The following SUCLG1 variants were observed in gnomAD, a reference collection of about 807,000 sequenced individuals.
SUCLG1 encodes the protein succinate-CoA ligase GDP/ADP-forming subunit alpha.
Under a neutral mutation model 37.3 loss-of-function variants are expected in SUCLG1, and 26 were observed. That is an observed-to-expected ratio of 0.70 (90% CI 0.51 to 0.97). The LOEUF is 0.97. Ranked by LOEUF, SUCLG1 falls within the 50% of genes least tolerant of loss-of-function variation. The probability of loss-of-function intolerance (pLI) is 0.00; values close to 1 mark genes in which losing one functional copy is unlikely to be tolerated. For synonymous variants in SUCLG1, 163 were observed against 155.6 expected (o/e 1.05, Z -0.36); for missense variants, 433 against 432.9 (o/e 1.00, Z 0.00).
rs115935475 is a variant in SUCLG1 at position 84,453,764 on chromosome 2, G to A, written c.98-4012C>T. ...ATATTAGAGCAGGAAAGGTGAGGTTGGCCACCAGGAAAAATTTCTGATGGC... is the reference window on the plus strand; with the variant it reads ...ATATTAGAGCAGGAAAGGTGAGGTTAGCCACCAGGAAAAATTTCTGATGGC... On this transcript the variant is annotated intron_variant, in intron 1 of 8. Transcript: ENST00000393868. 7.1e-3 allele frequency among the ~76,000 whole-genome samples: 1,088 copies of A among 152,284 alleles called. 11 individuals are homozygous for A. The highest frequency in any genetic ancestry group is 0.014 in the Middle Eastern group (4 of 294).
intron 1 of SUCLG1, among the ~76,000 whole-genome samples, chr2:84,454,896 G>A (rs916463705): frequency 6.6e-6 from 1 of 152,046 alleles, no homozygotes; most frequent in Admixed American, 6.5e-5. Flanking sequence ...ATAACCCAAG[G>A]CTCTATTCAT....
At chr2:84,453,937 C>A (rs1287505896) in intron 1 of SUCLG1, among the ~76,000 whole-genome samples, 3 of 152,222 alleles carry the variant, frequency 2.0e-5, no homozygotes, top group Non-Finnish European at 2.9e-5. Context: ...TATGCTCTGC[C>A]TTCCAGCAGC....
intron 1 of SUCLG1, among the ~76,000 whole-genome samples, chr2:84,454,835 G>A (rs939409610): frequency 6.6e-6 from 1 of 152,150 alleles, no homozygotes; most frequent in African/African-American, 2.4e-5. Context: ...CACCTGCCCA[G>A]GAGAGACTCA....
chr2:84,443,019 C>T (rs568761637), intron 3 of SUCLG1, among the ~76,000 whole-genome samples: 1 of 152,324 alleles, frequency 6.6e-6, no homozygotes, highest in African/African-American at 2.4e-5. Flanking sequence ...ATTTGTACTA[C>T]TAACATACTG....
chr2:84,436,533 A>G (rs1027344753), intron 5 of SUCLG1, among the ~76,000 whole-genome samples: 2 of 152,242 alleles, frequency 1.3e-5, no homozygotes, highest in Non-Finnish European at 2.9e-5. Context: ...GCCACATAAC[A>G]TGGCCTCCTA....
At chr2:84,448,305 G>GC (rs1226305702) in intron 2 of SUCLG1, among the ~76,000 whole-genome samples, 3 of 151,792 alleles carry the variant, frequency 2.0e-5, no homozygotes, top group African/African-American at 7.3e-5. Flanking sequence ...ACGCACCCAG[G>GC]CCCATTCATT....
intron 8 of SUCLG1, among the ~76,000 whole-genome samples, chr2:84,424,808 G>C (rs1456673021): frequency 1.3e-5 from 2 of 151,950 alleles, no homozygotes; most frequent in Non-Finnish European, 2.9e-5. Flanking sequence ...AAATTACTTA[G>C]AATATTTAAA....
At position 84,459,241 on chromosome 2, in the gene SUCLG1, T is replaced by TCAGCGG. The variant is rs1158972963; in HGVS notation, c.23_28dup (p.Ala8_Ala9dup). 1 of 1,550,530 alleles carries TCAGCGG rather than the reference T, an allele frequency of 6.4e-7. No individual in the cohort carries two copies. The highest frequency in any genetic ancestry group is 8.7e-7 in the Non-Finnish European group (1 of 1,146,836). On this transcript the variant is annotated inframe_insertion, in exon 1 of 9. Coordinates refer to ENST00000393868, the MANE Select transcript of SUCLG1 (RefSeq NM_003849.4). ...GCTGCCGGAGACCATGGTAGCGATG[T>TCAGCGG]CAGCGGCAGCGGCAAGGGTTGCGGT...
At chr2:84,437,217 A>T (rs536007656) in intron 5 of SUCLG1, among the ~76,000 whole-genome samples, 1 of 152,348 alleles carries the variant, frequency 6.6e-6, no homozygotes, top group African/African-American at 2.4e-5. Flanking sequence ...AATCCCAAGA[A>T]GAGTTTTTAT....
At chr2:84,444,123 C>T (rs1672813782) in intron 2 of SUCLG1, among the ~76,000 whole-genome samples, 1 of 152,174 alleles carries the variant, frequency 6.6e-6, no homozygotes, top group Non-Finnish European at 1.5e-5. Context: ...CCAAAAACAG[C>T]TCCAAGGACT....
intron 7 of SUCLG1, among the ~76,000 whole-genome samples, chr2:84,429,276 T>C (rs538292296): frequency 4.6e-5 from 7 of 152,292 alleles, no homozygotes; most frequent in South Asian, 2.1e-4. Context: ...TCCCACTAAA[T>C]ACTAGGCTAT....
At position 84,441,239 on chromosome 2, in the gene SUCLG1, G is replaced by C; in HGVS notation, c.531+8C>G. 3.1e-6 allele frequency: 5 copies of C among 1,613,580 alleles called. No homozygotes were observed. The highest frequency in any genetic ancestry group is 4.2e-6 in the Non-Finnish European group (5 of 1,179,898). On this transcript the variant is annotated splice_region_variant and intron_variant, in intron 4 of 8. Coordinates refer to ENST00000393868, the MANE Select transcript of SUCLG1 (RefSeq NM_003849.4). ...AATCTGAGTTTCTTTTTGTTTTTTT[G>C]CACTCACATTGATGACTCCAGGGCA...
chr2:84,456,561 T>C (rs1673023208), intron 1 of SUCLG1, among the ~76,000 whole-genome samples: 1 of 152,218 alleles, frequency 6.6e-6, no homozygotes, highest in Admixed American at 6.5e-5. Context: ...AACTTCACTA[T>C]TTCAACTTCA....
intron 1 of SUCLG1, among the ~76,000 whole-genome samples, chr2:84,454,120 T>C (rs1218186403): frequency 6.6e-6 from 1 of 152,188 alleles, no homozygotes; most frequent in Non-Finnish European, 1.5e-5. Flanking sequence ...CAACCCTACA[T>C]GAACACAAAG....
In SUCLG1 at chr2:84,459,167, A is replaced by C; in HGVS notation, c.97+6T>G. 1 of 1,548,948 alleles carries C rather than the reference A, an allele frequency of 6.5e-7. No homozygotes were observed. Among genetic ancestry groups the C allele is most frequent in the Middle Eastern group, 1.7e-4 (1 of 5,978 alleles). On this transcript the variant is annotated splice_donor_region_variant and intron_variant, in intron 1 of 8. Coordinates refer to ENST00000393868, the MANE Select transcript of SUCLG1 (RefSeq NM_003849.4). ...GCGCCAGGAAGACAGTACTGGCTGG[A>C]CTCACGGAGGAAGCTGCGCGACAGG...
chr2:84,443,994 T>C (rs1672811733), intron 2 of SUCLG1, among the ~76,000 whole-genome samples: 1 of 152,224 alleles, frequency 6.6e-6, no homozygotes, highest in African/African-American at 2.4e-5. Context: ...AGGATGATTC[T>C]TTCTTATGAG....
Position 84,433,296 on chromosome 2 carries a change from C to T in SUCLG1, c.673+56G>A, listed in dbSNP as rs750931227. 6 of 1,320,612 alleles carry T rather than the reference C, an allele frequency of 4.5e-6. No homozygotes were observed. In the Middle Eastern group the frequency reaches 5.5e-4, roughly 120 times the overall value. 81.8% of individuals were successfully genotyped at this position (1,320,612 alleles called of 1,614,324 possible). A position where few individuals can be genotyped will look rare whatever the true frequency, so the allele number is the denominator to read the frequency against. On this transcript the variant is annotated intron_variant, in intron 6 of 8. Transcript: ENST00000393868. ...AATAAAATCAATAATTATTATTATA[C>T]TCATCCAATGAAGACACCACACTCC...
intron 1 of SUCLG1, among the ~76,000 whole-genome samples, chr2:84,451,610 C>T (rs1244103909): frequency 6.6e-6 from 1 of 152,178 alleles, no homozygotes; most frequent in Non-Finnish European, 1.5e-5. Context: ...TTCTATGGAG[C>T]TCAAGATTTT....
At chr2:84,448,093 T>C (rs1672876671) in intron 2 of SUCLG1, among the ~76,000 whole-genome samples, 1 of 151,534 alleles carries the variant, frequency 6.6e-6, no homozygotes, top group Admixed American at 6.6e-5. Context: ...TATTGGATTT[T>C]TTTTTTTACA....
Sources: allele counts gnomAD v4.1 joint callset (sites outside exome capture counted in the v4.1 genomes callset), GRCh38; gene constraint gnomAD v4.1.1; transcripts MANE v1.5; gene names NCBI Gene and HGNC (gene_info 2026-07-23, HGNC 2026-07-21).